The following FNBP1 variants were observed in gnomAD, a reference collection of about 807,000 sequenced individuals.
FNBP1 encodes the protein formin binding protein 1.
A neutral mutation model predicts 90.6 loss-of-function variants in FNBP1; 26 were observed. The ratio of observed to expected loss-of-function variants is 0.29; its 90% CI spans 0.21 to 0.40. FNBP1 has a LOEUF of 0.40. Ranked by LOEUF, FNBP1 falls within the 10% of genes least tolerant of loss-of-function variation. The pLI, the probability that FNBP1 is intolerant of heterozygous loss-of-function variation, is 1.00. For missense variants in FNBP1, 635 were observed against 768.0 expected (o/e 0.83, Z 2.05); for synonymous variants, 260 against 265.2 (o/e 0.98, Z 0.19).
the FNBP1 span, among the ~76,000 whole-genome samples, chr9:130,052,804 C>A: frequency 1.3e-5 from 2 of 151,754 alleles, no homozygotes; most frequent in African/African-American, 4.8e-5. Context: ...TGCCACTTAA[C>A]TTTAAAAGAT....
chr9:129,941,346 G>A (rs552862723), intron 6 of FNBP1, among the ~76,000 whole-genome samples: 60 of 152,168 alleles, frequency 3.9e-4, no homozygotes, highest in African/African-American at 9.6e-4. Context: ...CCAAGACTGC[G>A]TCATTGCACT....
At chr9:129,998,603 C>T (rs554708867) in intron 1 of FNBP1, among the ~76,000 whole-genome samples, 2 of 152,170 alleles carry the variant, frequency 1.3e-5, no homozygotes, top group South Asian at 4.2e-4. Context: ...TAGGTGCCAC[C>T]TTGAAAACTT....
intron 11 of FNBP1, 83 bp from the exon 12 acceptor site, chr9:129,909,082 G>GT (rs773318755): frequency 2.2e-5 from 19 of 878,756 alleles, no homozygotes; most frequent in Admixed American, 6.9e-5. Flanking sequence ...TGCAGCCATG[G>GT]GGGGTGCAGA....
Position 129,889,266 on chromosome 9 carries a change from T to C in FNBP1, c.*1273A>G, listed in dbSNP as rs1255333525. 5.2e-6 allele frequency: 1 copy of C among 191,702 alleles called. No individual in the cohort carries two copies. The highest frequency in any genetic ancestry group is 1.1e-5 in the Non-Finnish European group (1 of 91,372). The allele number at this position is 191,702 out of a possible 1,614,324, so 11.9% of individuals were successfully genotyped here. On this transcript the variant is annotated 3_prime_UTR_variant, in exon 17 of 17. Transcript: ENST00000446176. ...AGGACCACGAGAGGCACGGGGTCTT[T>C]GGTGATGAAAGTGCTAACCTCGGCG... is the stretch of plus-strand genomic sequence containing the variant.
intron 10 of FNBP1, among the ~76,000 whole-genome samples, chr9:129,921,879 T>C (rs2041170870): frequency 6.6e-6 from 1 of 152,160 alleles, no homozygotes; most frequent in Non-Finnish European, 1.5e-5. Flanking sequence ...AATGTGTCAG[T>C]TGACACTCAA....
rs549900403 is a variant in FNBP1 at position 129,986,041 on chromosome 9, CAGG to C, written c.141-6670_141-6668del. 5.4e-4 allele frequency among the ~76,000 whole-genome samples: 79 copies of C among 147,318 alleles called. 1 individual carries two copies. In the South Asian group the frequency reaches 0.017, roughly 31 times the overall value. On this transcript the variant is annotated intron_variant, in intron 2 of 16. Coordinates refer to ENST00000446176, the MANE Select transcript of FNBP1 (RefSeq NM_015033.3). ...ATCCCAGCTACTTGGGAGGCTGAGG[CAGG>C]AGAATTGCTTGAACCCGGGAGGCTG...
chr9:129,996,365 G>T (rs1329425432), intron 1 of FNBP1, among the ~76,000 whole-genome samples: 2 of 152,076 alleles, frequency 1.3e-5, no homozygotes, highest in Non-Finnish European at 2.9e-5. Flanking sequence ...AGCCAGAGGG[G>T]GCATGAGCAC....
intron 1 of FNBP1, among the ~76,000 whole-genome samples, chr9:130,027,768 T>C (rs1326454255): frequency 2.6e-5 from 4 of 152,184 alleles, no homozygotes; most frequent in African/African-American, 9.7e-5. Context: ...AGACCTCGAC[T>C]GAGCTGTCAA....
chr9:129,929,047 C>G (rs775841621), intron 7 of FNBP1, among the ~76,000 whole-genome samples: 9 of 151,710 alleles, frequency 5.9e-5, no homozygotes, highest in African/African-American at 2.2e-4. Context: ...TGCAGTGGGT[C>G]GTGATTGTGC....
chr9:129,902,034 A>G (rs1269637635), intron 13 of FNBP1, among the ~76,000 whole-genome samples: 1 of 151,998 alleles, frequency 6.6e-6, no homozygotes, highest in African/African-American at 2.4e-5. Context: ...TGGTAGGGAG[A>G]GTGGGTTCAG....
At chr9:130,011,815 A>G (rs1161326792) in intron 1 of FNBP1, among the ~76,000 whole-genome samples, 1 of 152,250 alleles carries the variant, frequency 6.6e-6, no homozygotes, top group Admixed American at 6.5e-5. Context: ...TTGGAAGGCC[A>G]TATATTATAG....
intron 1 of FNBP1, among the ~76,000 whole-genome samples, chr9:130,011,451 C>G (rs2131680591): frequency 6.6e-6 from 1 of 151,854 alleles, no homozygotes; most frequent in East Asian, 1.9e-4. Context: ...TCCAAGGTGA[C>G]AGTACTAAGA....
intron 6 of FNBP1, among the ~76,000 whole-genome samples, chr9:129,956,591 G>T (rs1477150509): frequency 2.0e-5 from 3 of 152,190 alleles, no homozygotes; most frequent in Non-Finnish European, 2.9e-5. Context: ...ACTGAAATAT[G>T]CAAGGCTTCA....
chr9:129,928,887 T>G (rs2042306646), intron 7 of FNBP1, among the ~76,000 whole-genome samples: 1 of 152,018 alleles, frequency 6.6e-6, no homozygotes, highest in African/African-American at 2.4e-5. Flanking sequence ...GTCCAGGAAT[T>G]TGAGACCATC....
At chr9:130,049,632 T>C in the FNBP1 span, among the ~76,000 whole-genome samples, 1 of 151,258 alleles carries the variant, frequency 6.6e-6, no homozygotes, top group East Asian at 1.9e-4. Context: ...GCCTGGGAGT[T>C]GGAAGCTGCA....
intron 1 of FNBP1, among the ~76,000 whole-genome samples, chr9:130,004,136 ACCTGTAATCT>A (rs568118350): frequency 3.5e-4 from 52 of 150,308 alleles, no homozygotes; most frequent in African/African-American, 1.2e-3. Context: ...GGTGGCTCAC[ACCTGTAATCT>A]CAACTACTCT....
intron 4 of FNBP1, among the ~76,000 whole-genome samples, chr9:129,974,968 C>T (rs2050080700): frequency 6.6e-6 from 1 of 152,170 alleles, no homozygotes; most frequent in Non-Finnish European, 1.5e-5. Flanking sequence ...CCTGTAATCC[C>T]AGCACTTTGG....
At chr9:129,908,271 A>G (rs1445374833) in intron 12 of FNBP1, among the ~76,000 whole-genome samples, 1 of 141,614 alleles carries the variant, frequency 7.1e-6, no homozygotes, top group African/African-American at 2.7e-5. Flanking sequence ...TGGCATGATC[A>G]TAGCTCACTG....
intron 1 of FNBP1, among the ~76,000 whole-genome samples, chr9:130,021,163 C>A (rs1487244540): frequency 6.6e-6 from 1 of 152,146 alleles, no homozygotes; most frequent in African/African-American, 2.4e-5. Context: ...AGAGCAGTAT[C>A]TAGAAATCTC....
Sources: allele counts gnomAD v4.1 joint callset (sites outside exome capture counted in the v4.1 genomes callset), GRCh38; gene constraint gnomAD v4.1.1; transcripts MANE v1.5; gene names NCBI Gene and HGNC (gene_info 2026-07-23, HGNC 2026-07-21).